SMC6: variants seen among roughly 807,000 people sequenced by gnomAD.
SMC6 encodes structural maintenance of chromosomes 6.
A neutral mutation model predicts 142.2 loss-of-function variants in SMC6; 79 were observed. The observed-to-expected ratio is 0.56, with a 90% CI of 0.46 to 0.67. The LOEUF is 0.67. Among genes scored for constraint, SMC6 ranks in the 30% least tolerant of loss-of-function variants. The pLI is 0.00. For missense variants in SMC6, 1,072 were observed against 1,284.0 expected, an observed-to-expected ratio of 0.83 and a Z score of 2.52; for synonymous variants, 411 against 412.4, an observed-to-expected ratio of 1.00 and a Z score of 0.04.
At chr2:17,745,141 C>T (rs1427777774) in intron 3 of SMC6, among the ~76,000 whole-genome samples, 3 of 152,136 alleles carry the variant, frequency 2.0e-5, no homozygotes, top group Non-Finnish European at 4.4e-5. Context: ...ATTTCTGCAA[C>T]CATATCTATT....
intron 12 of SMC6, 77 bp downstream of exon 12, chr2:17,718,000 A>T (rs1669183286): frequency 7.1e-7 from 1 of 1,404,876 alleles, no homozygotes; most frequent in Non-Finnish European, 9.6e-7. Context: ...AATAAAATAT[A>T]ATAAAAAAGG....
intron 25 of SMC6, among the ~76,000 whole-genome samples, chr2:17,673,660 C>A (rs1666872114): frequency 6.7e-6 from 1 of 148,302 alleles, no homozygotes; most frequent in South Asian, 2.2e-4. Flanking sequence ...ACCTCCGCCT[C>A]CCGGGTTTAA....
At chr2:17,690,208 T>C (rs1000181608) in intron 23 of SMC6, among the ~76,000 whole-genome samples, 12 of 152,346 alleles carry the variant, frequency 7.9e-5, no homozygotes, top group East Asian at 3.8e-4. Flanking sequence ...AAATAGCTTT[T>C]GCTCAGGTTA....
chr2:17,708,199 A>T (rs1572301760), intron 17 of SMC6, among the ~76,000 whole-genome samples: 1 of 152,140 alleles, frequency 6.6e-6, no homozygotes. Context: ...GCACATAAAA[A>T]CACCTACACA....
At chr2:17,739,839 C>CACAG (rs1558377979) in intron 4 of SMC6, among the ~76,000 whole-genome samples, 4 of 100,108 alleles carry the variant, frequency 4.0e-5, no homozygotes, top group East Asian at 2.2e-4. Context: ...CACACACACA[C>CACAG]ACACAGACAC....
In SMC6 at chr2:17,721,226, T is replaced by G; in HGVS notation, c.762A>C (p.Lys254Asn). The G allele has an allele frequency of 6.2e-7, 1 of 1,611,070 alleles. No individual in the cohort carries two copies. Among genetic ancestry groups the G allele is most frequent in the East Asian group, 2.2e-5 (1 of 44,804 alleles). The change falls in exon 10 of 28, where the codon AAA becomes AAC. Residue 254 changes from lysine to asparagine, a missense_variant. Lys to Asn is a moderately conservative substitution (Grantham distance 94, BLOSUM62 0). Transcript: ENST00000448223. Reference sequence around the variant, plus strand: ...CAGCAATACTTTGAAAACGTTCCTCTTTCTCTACACACTGGCGCTTTAGTT... The same window carrying G: ...CAGCAATACTTTGAAAACGTTCCTCGTTCTCTACACACTGGCGCTTTAGTT... ...LTELKRQCVE[K>N]EERFQSIAGL...
intron 19 of SMC6, among the ~76,000 whole-genome samples, chr2:17,702,373 T>A (rs921677178): frequency 6.6e-6 from 1 of 152,140 alleles, no homozygotes; most frequent in Non-Finnish European, 1.5e-5. Context: ...TGAGTATATA[T>A]AAAGTTTATA....
chr2:17,669,048 G>A (rs1381012763), intron 26 of SMC6, among the ~76,000 whole-genome samples: 5 of 152,164 alleles, frequency 3.3e-5, no homozygotes, highest in Non-Finnish European at 7.3e-5. Context: ...AAGGGGATGA[G>A]AGGAAGAATA....
chr2:17,669,719 C>T (rs1374367818), intron 26 of SMC6, among the ~76,000 whole-genome samples: 4 of 152,028 alleles, frequency 2.6e-5, no homozygotes, highest in Admixed American at 2.6e-4. Flanking sequence ...TCATCTACAT[C>T]CAGATTACAG....
chr2:17,724,380 A>C (rs184921285), intron 9 of SMC6, among the ~76,000 whole-genome samples: 1 of 152,312 alleles, frequency 6.6e-6, no homozygotes. Context: ...ATTCCTCAAA[A>C]ATGTGAAGTA....
At chr2:17,681,988 T>TAA (rs1277444397) in intron 24 of SMC6, 2 of 152,106 alleles carry the variant, frequency 1.3e-5, no homozygotes, top group Admixed American at 6.6e-5. Flanking sequence ...ATCAGTACTT[T>TAA]AAAAAAACCT....
At chr2:17,693,065 G>A (rs1289412262) in intron 23 of SMC6, among the ~76,000 whole-genome samples, 1 of 152,184 alleles carries the variant, frequency 6.6e-6, no homozygotes, top group Non-Finnish European at 1.5e-5. Flanking sequence ...ATCAGGTGCT[G>A]GAGAGGATGT....
Position 17,665,265 on chromosome 2 carries a change from A to C in SMC6, c.*234T>G. Reference sequence around the variant, plus strand: ...ATAGATCGTATTAAAAAAACTTAAAAAGATTTAAAACCAATACTATGAAAT... The same window carrying C: ...ATAGATCGTATTAAAAAAACTTAAACAGATTTAAAACCAATACTATGAAAT... On this transcript the variant is annotated 3_prime_UTR_variant, in exon 28 of 28. Coordinates refer to ENST00000448223, the MANE Select transcript of SMC6 (RefSeq NM_001142286.2). The C allele has an allele frequency of 6.6e-6, 2 of 303,686 alleles. No homozygotes were observed. The highest frequency in any genetic ancestry group is 1.2e-5 in the Non-Finnish European group (2 of 167,970). The allele number at this position is 303,686 out of a possible 1,614,324, so 18.8% of individuals were successfully genotyped here.
chr2:17,744,953 T>C (rs900776373), intron 3 of SMC6, among the ~76,000 whole-genome samples: 8 of 152,224 alleles, frequency 5.3e-5, no homozygotes, highest in African/African-American at 1.7e-4. Context: ...TAATTCTTTT[T>C]ACATATAGTT....
At chr2:17,711,680 A>G (rs2124979203) in intron 16 of SMC6, among the ~76,000 whole-genome samples, 1 of 152,270 alleles carries the variant, frequency 6.6e-6, no homozygotes, top group African/African-American at 2.4e-5. Context: ...GTGCAGTGGC[A>G]CGATCACAGC....
chr2:17,725,474 A>C, intron 8 of SMC6, 116 bp from the exon 9 acceptor site: 2 of 616,410 alleles, frequency 3.2e-6, no homozygotes, highest in Non-Finnish European at 5.4e-6. Flanking sequence ...ATGTAAAAAG[A>C]CATTAAAAAC....
intron 18 of SMC6, 118 bp downstream of exon 18, chr2:17,707,101 C>T: frequency 1.4e-6 from 1 of 720,314 alleles, no homozygotes; most frequent in Non-Finnish European, 2.1e-6. Flanking sequence ...TAAGACCAAG[C>T]ACTGAGATAG....
intron 20 of SMC6, among the ~76,000 whole-genome samples, chr2:17,701,104 G>C (rs1320064960): frequency 6.6e-6 from 1 of 150,698 alleles, no homozygotes; most frequent in Non-Finnish European, 1.5e-5. Context: ...AGGAATTAAA[G>C]CAGAAAAATA....
chr2:17,677,980 G>T (rs770285335), intron 25 of SMC6, among the ~76,000 whole-genome samples: 1 of 152,122 alleles, frequency 6.6e-6, no homozygotes, highest in Non-Finnish European at 1.5e-5. Flanking sequence ...AATATTTAGA[G>T]TGGATAGTTG....
Sources: allele counts gnomAD v4.1 joint callset (sites outside exome capture counted in the v4.1 genomes callset), GRCh38; gene constraint gnomAD v4.1.1; transcripts MANE v1.5; gene names NCBI Gene and HGNC (gene_info 2026-07-23, HGNC 2026-07-21).